The following FLRT2 variants were observed in gnomAD, a reference collection of about 807,000 sequenced individuals.
FLRT2 encodes the protein fibronectin leucine rich transmembrane protein 2, also known as leucine-rich repeat transmembrane protein FLRT2.
A neutral mutation model predicts 40.0 loss-of-function variants in FLRT2; 15 were observed. The ratio of observed to expected loss-of-function variants is 0.38; its 90% CI spans 0.25 to 0.58. The LOEUF (loss-of-function observed/expected upper bound fraction) is 0.58. Ranked by LOEUF, FLRT2 falls within the 20% of genes least tolerant of loss-of-function variation. FLRT2 has a pLI of 0.71. For synonymous variants in FLRT2, 380 were observed against 336.8 expected, an observed-to-expected ratio of 1.13 and a Z score of -1.41; for missense variants, 726 against 840.0, an observed-to-expected ratio of 0.86 and a Z score of 1.68.
intron 1 of FLRT2, among the ~76,000 whole-genome samples, chr14:85,577,960 G>T (rs1891195038): frequency 6.6e-6 from 1 of 151,578 alleles, no homozygotes. Flanking sequence ...CCTTTATTCA[G>T]GAAATGGCTA....
Position 85,623,445 on chromosome 14 carries a change from A to G in FLRT2, c.1931A>G (p.Asn644Ser), listed in dbSNP as rs755584418. 1.4e-6 allele frequency: 2 copies of G among 1,471,640 alleles called. No individual in the cohort carries two copies. Among genetic ancestry groups the G allele is most frequent in the Non-Finnish European group, 1.8e-6 (2 of 1,112,956 alleles). 91.2% of individuals were successfully genotyped at this position (1,471,640 alleles called of 1,614,324 possible). ...INYTDCHIPN[N>S]MRYCNSSVPD... The stretch of plus-strand genomic sequence containing the variant: ...TACACAGACTGCCATATCCCCAACA[A>G]CATGCGATACTGCAACAGCAGCGTG... Residue 644 changes from asparagine to serine, a missense_variant, in exon 2 of 2, where the codon AAC becomes AGC. Transcript: ENST00000330753.
Position 85,638,072 on chromosome 14 carries a change from C to G in FLRT2, c.*14575C>G, listed in dbSNP as rs1451471688. On this transcript the variant is annotated 3_prime_UTR_variant, in exon 2 of 2. Transcript: ENST00000330753. ...GTAACCATTATGATGGAAGCTGGGA[C>G]TAGGTGACTTATTCTAAATGTAACA... The G allele has an allele frequency of 1.3e-5, 2 of 152,042 alleles. No individual in the cohort carries two copies. 9.4% of individuals were successfully genotyped at this position (152,042 alleles called of 1,614,324 possible).
At chr14:85,535,958 T>G in intron 1 of FLRT2, among the ~76,000 whole-genome samples, 1 of 139,832 alleles carries the variant, frequency 7.2e-6, no homozygotes, top group Admixed American at 7.6e-5. Context: ...AAAGCCCATG[T>G]CTTAACACTT....
At position 85,625,581 on chromosome 14, in the gene FLRT2, T is replaced by C. The variant is rs1893645961; in HGVS notation, c.*2084T>C. On this transcript the variant is annotated 3_prime_UTR_variant, in exon 2 of 2. Transcript: ENST00000330753. Reference sequence around the variant, plus strand: ...ATTCTAAAGTGACTCTGGTTTCCATTTTAGTCTATTAGCTAGAGGGTTTTG... The same window carrying C: ...ATTCTAAAGTGACTCTGGTTTCCATCTTAGTCTATTAGCTAGAGGGTTTTG... 6.0e-6 allele frequency: 1 copy of C among 167,074 alleles called. No homozygotes were observed. Among genetic ancestry groups the C allele is most frequent in the South Asian group, 2.1e-4 (1 of 4,828 alleles). 10.3% of individuals were successfully genotyped at this position (167,074 alleles called of 1,614,324 possible).
chr14:85,623,433 A>G lies in FLRT2; in HGVS notation c.1919A>G (p.His640Arg), dbSNP rs1283578149. ...PNGGINYTDC[H>R]IPNNMRYCNS... ...GGGGGCATTAATTACACAGACTGCCATATCCCCAACAACATGCGATACTGC... is the reference window on the plus strand; with the variant it reads ...GGGGGCATTAATTACACAGACTGCCGTATCCCCAACAACATGCGATACTGC... The change falls in exon 2 of 2, where the codon CAT (histidine) becomes CGT (arginine). Residue 640 changes from histidine (H) to arginine (R), a missense_variant. Physicochemically the swap from His to Arg is conservative, Grantham distance 29. Coordinates refer to ENST00000330753, the MANE Select transcript of FLRT2 (RefSeq NM_013231.6). The G allele has an allele frequency of 6.0e-6, 9 of 1,491,842 alleles. No individual in the cohort carries two copies. The highest frequency in any genetic ancestry group is 2.3e-5 in the East Asian group (1 of 42,676). 92.4% of individuals were successfully genotyped at this position (1,491,842 alleles called of 1,614,324 possible).
In FLRT2 at chr14:85,639,484, G is replaced by A. The variant is rs1339435744; in HGVS notation, c.*15987G>A. The A allele has an allele frequency of 6.6e-6, 1 of 152,126 alleles. No individual in the cohort carries two copies. Among genetic ancestry groups the A allele is most frequent in the African/African-American group, 2.4e-5 (1 of 41,418 alleles). 9.4% of individuals were successfully genotyped at this position (152,126 alleles called of 1,614,324 possible). The stretch of plus-strand genomic sequence containing the variant: ...ACTTTCTACAATGCAAGTAGAAGAA[G>A]GGGCCCCACCAGTCATTCTGAGACG... On this transcript the variant is annotated 3_prime_UTR_variant, in exon 2 of 2. Transcript: ENST00000330753.
intron 1 of FLRT2, among the ~76,000 whole-genome samples, chr14:85,544,845 A>G (rs532997070): frequency 2.0e-5 from 3 of 152,298 alleles, no homozygotes; most frequent in South Asian, 4.1e-4. Context: ...CAAGTGGTGT[A>G]TTTGCAAACA....
chr14:85,553,611 A>G (rs1219535995), intron 1 of FLRT2, among the ~76,000 whole-genome samples: 4 of 152,176 alleles, frequency 2.6e-5, no homozygotes, highest in Non-Finnish European at 4.4e-5. Context: ...TTAGATTCAC[A>G]CTTTTATCGC....
At position 85,640,786 on chromosome 14, in the gene FLRT2, C is replaced by A. The variant is rs563685596; in HGVS notation, c.*17289C>A. ...AGTGTGGCAAACACATCATTAGAAA[C>A]TGCCTCCTATTCACTCTCTTAATAG... On this transcript the variant is annotated 3_prime_UTR_variant, in exon 2 of 2. Coordinates refer to ENST00000330753, the MANE Select transcript of FLRT2 (RefSeq NM_013231.6). The A allele has an allele frequency of 9.5e-6, 1 of 105,532 alleles. No homozygotes were observed. Among genetic ancestry groups the A allele is most frequent in the African/African-American group, 3.8e-5 (1 of 26,148 alleles). 6.5% of individuals were successfully genotyped at this position (105,532 alleles called of 1,614,324 possible).
chr14:85,563,917 T>A (rs895799909), intron 1 of FLRT2, among the ~76,000 whole-genome samples: 1 of 152,220 alleles, frequency 6.6e-6, no homozygotes, highest in Non-Finnish European at 1.5e-5. Context: ...CAATGGATGA[T>A]AATTGATCTA....
intron 1 of FLRT2, among the ~76,000 whole-genome samples, chr14:85,607,655 G>C (rs1029521984): frequency 6.6e-6 from 1 of 152,168 alleles, no homozygotes; most frequent in Non-Finnish European, 1.5e-5. Context: ...TTTTTGCTTT[G>C]CAGTCCTTCT....
chr14:85,619,423 C>G (rs958544006), intron 1 of FLRT2, among the ~76,000 whole-genome samples: 9 of 152,006 alleles, frequency 5.9e-5, no homozygotes, highest in Non-Finnish European at 1.0e-4. Context: ...AGCATCGTAT[C>G]TCTCTATTTT....
rs1894283892 is a variant in FLRT2, at chr14:85,645,751, C to T, written c.*22254C>T. The T allele has an allele frequency of 6.6e-6, 1 of 152,114 alleles. No individual in the cohort carries two copies. Among genetic ancestry groups the T allele is most frequent in the South Asian group, 2.1e-4 (1 of 4,818 alleles). The allele number at this position is 152,114 out of a possible 1,614,324, so 9.4% of individuals were successfully genotyped here. ...TCAAGCTGTCCTTTTCCCCAGCCAC[C>T]CTCCTCACGTCTTGCTCAATGACTT... is the stretch of plus-strand genomic sequence containing the variant. On this transcript the variant is annotated 3_prime_UTR_variant, in exon 2 of 2. Transcript: ENST00000330753.
rs970722167 is a variant in FLRT2 at position 85,640,999 on chromosome 14, C to A, written c.*17502C>A. ...CATAGATTTGGTATGAGTTAAAATG[C>A]ATAGAAAGCATGTACTACATCTAGT... On this transcript the variant is annotated 3_prime_UTR_variant, in exon 2 of 2. Coordinates refer to ENST00000330753, the MANE Select transcript of FLRT2 (RefSeq NM_013231.6). 2.6e-5 allele frequency: 4 copies of A among 152,168 alleles called. No individual in the cohort carries two copies. The highest frequency in any genetic ancestry group is 9.7e-5 in the African/African-American group (4 of 41,424). The allele number at this position is 152,168 out of a possible 1,614,324, so 9.4% of individuals were successfully genotyped here.
intron 1 of FLRT2, among the ~76,000 whole-genome samples, chr14:85,539,860 C>T (rs1435052522): frequency 6.6e-6 from 1 of 152,168 alleles, no homozygotes; most frequent in Non-Finnish European, 1.5e-5. Flanking sequence ...TTCGCTCTTA[C>T]GGCCTCAAGA....
intron 1 of FLRT2, among the ~76,000 whole-genome samples, chr14:85,576,913 C>T (rs995433502): frequency 1.3e-5 from 2 of 152,160 alleles, no homozygotes; most frequent in Admixed American, 1.3e-4. Flanking sequence ...AATGTGCACA[C>T]GTTTTGTATT....
rs1255400489 is a variant in FLRT2 at position 85,649,219 on chromosome 14, C to T, written c.*25722C>T. On this transcript the variant is annotated 3_prime_UTR_variant, in exon 2 of 2. Transcript: ENST00000330753. ...TTTCTACAGTTTCCTCCAGAAAGCC[C>T]CTATGTATTTATTCCGGTTAACAAT... 2.4e-5 allele frequency: 3 copies of T among 127,654 alleles called. No individual in the cohort carries two copies. The highest frequency in any genetic ancestry group is 3.2e-5 in the Non-Finnish European group (2 of 61,612). 7.9% of individuals were successfully genotyped at this position (127,654 alleles called of 1,614,324 possible). A position where few individuals can be genotyped will look rare whatever the true frequency, so the allele number is the denominator to read the frequency against.
chr14:85,647,341 G>T lies in FLRT2; in HGVS notation c.*23844G>T, dbSNP rs528650321. On this transcript the variant is annotated 3_prime_UTR_variant, in exon 2 of 2. Coordinates refer to ENST00000330753, the MANE Select transcript of FLRT2 (RefSeq NM_013231.6). ...GTTATCTGTAGCAGAATTGAATGTT[G>T]CCCAGCAATATAATATATGTAAATC... The T allele has an allele frequency of 3.9e-5, 6 of 152,142 alleles. No individual in the cohort carries two copies. The East Asian group carries it at 9.7e-4, about 25-fold the overall frequency. The allele number at this position is 152,142 out of a possible 1,614,324, so 9.4% of individuals were successfully genotyped here.
intron 1 of FLRT2, among the ~76,000 whole-genome samples, chr14:85,591,762 C>T (rs752394687): frequency 1.3e-5 from 2 of 152,162 alleles, no homozygotes; most frequent in African/African-American, 2.4e-5. Flanking sequence ...CTCCATTTAT[C>T]TAGGGCGGTA....
Sources: gnomAD v4.1 joint callset for allele counts (sites outside exome capture counted in the v4.1 genomes callset) on GRCh38, gnomAD v4.1.1 for gene constraint, MANE v1.5 for transcripts, NCBI Gene and HGNC (gene_info 2026-07-23, HGNC 2026-07-21) for gene names.